SDK1: variants seen among roughly 807,000 people sequenced by gnomAD.
SDK1 encodes the protein protein sidekick-1.
A neutral mutation model predicts 245.5 loss-of-function variants in SDK1; 157 were observed. The ratio of observed to expected loss-of-function variants is 0.64; its 90% CI spans 0.56 to 0.73. SDK1 has a LOEUF of 0.73. Ranked by LOEUF, SDK1 falls within the 30% of genes least tolerant of loss-of-function variation. The pLI, the probability that SDK1 is intolerant of heterozygous loss-of-function variation, is 0.00. For synonymous variants in SDK1, 1,647 were observed against 1,278.5 expected (o/e 1.29, Z -6.15); for missense variants, 3,583 against 3,002.3 (o/e 1.19, Z -4.52).
At chr7:3,633,726 G>A (rs1430213678) in intron 2 of SDK1, among the ~76,000 whole-genome samples, 2 of 152,112 alleles carry the variant, frequency 1.3e-5, no homozygotes, top group Admixed American at 6.5e-5. Context: ...TATGTTCTAG[G>A]GTGTGGAATT....
At chr7:3,716,755 T>A in intron 4 of SDK1, among the ~76,000 whole-genome samples, 2 of 144,464 alleles carry the variant, frequency 1.4e-5, no homozygotes. Flanking sequence ...TGAGACCCTG[T>A]CTCACCAAAA....
At chr7:3,857,686 C>G (rs116437505) in intron 5 of SDK1, among the ~76,000 whole-genome samples, 2,663 of 138,662 alleles carry the variant, frequency 0.019, 79 homozygotes, top group African/African-American at 0.064. Context: ...GACCCTGTCT[C>G]AAAAAAAAAA....
rs537020681 is a variant in SDK1, at chr7:3,353,190, A to G, written c.298+51306A>G. 2.4e-4 allele frequency among the ~76,000 whole-genome samples: 37 copies of G among 152,254 alleles called. 1 individual carries two copies. Among genetic ancestry groups the G allele is most frequent in the African/African-American group, 7.5e-4 (31 of 41,540 alleles). ...ATAGGTAAGTGGTGTAAGTAATGGCATGGAAAGATCCAAGAACCATTAAGT... is the reference window on the plus strand; with the variant it reads ...ATAGGTAAGTGGTGTAAGTAATGGCGTGGAAAGATCCAAGAACCATTAAGT... On this transcript the variant is annotated intron_variant, in intron 1 of 44. Coordinates refer to ENST00000404826, the MANE Select transcript of SDK1 (RefSeq NM_152744.4).
intron 32 of SDK1, among the ~76,000 whole-genome samples, chr7:4,165,684 T>G (rs1170299113): frequency 1.3e-5 from 2 of 152,138 alleles, no homozygotes; most frequent in Non-Finnish European, 2.9e-5. Context: ...GAGACAGGAT[T>G]TCATCATGTT....
intron 5 of SDK1, among the ~76,000 whole-genome samples, chr7:3,824,082 G>A (rs1779711941): frequency 6.6e-6 from 1 of 151,936 alleles, no homozygotes; most frequent in African/African-American, 2.4e-5. Context: ...TCCAGTGAGG[G>A]CTCTAAGCAA....
intron 1 of SDK1, among the ~76,000 whole-genome samples, chr7:3,550,588 A>G (rs1779370550): frequency 6.6e-6 from 1 of 152,142 alleles, no homozygotes; most frequent in African/African-American, 2.4e-5. Context: ...GTTCCTCTCC[A>G]TCCTTAATGC....
chr7:4,254,403 C>G (rs1562484910), intron 44 of SDK1, among the ~76,000 whole-genome samples: 4 of 152,052 alleles, frequency 2.6e-5, no homozygotes, highest in Admixed American at 6.6e-5. Flanking sequence ...TACTATTGAG[C>G]CTATCTAATG....
At position 3,522,155 on chromosome 7, in the gene SDK1, C is replaced by CT. The variant is rs111709117; in HGVS notation, c.299-96915dup. ...TCTTTGGTTTTATTGTATACAATAA[C>CT]TTTTTTTTTTGAGGCCCTGGTGTTA... On this transcript the variant is annotated intron_variant, in intron 1 of 44. Coordinates refer to ENST00000404826, the MANE Select transcript of SDK1 (RefSeq NM_152744.4). Among the ~76,000 whole-genome samples, 120 of 149,788 alleles carry CT rather than the reference C, an allele frequency of 8.0e-4. 5 individuals carry two copies. Among genetic ancestry groups the CT allele is most frequent in the South Asian group, 1.9e-3 (9 of 4,716 alleles).
At position 3,721,482 on chromosome 7, in the gene SDK1, C is replaced by G. The variant is rs376039836; in HGVS notation, c.713+79377C>G. 3.4e-4 allele frequency among the ~76,000 whole-genome samples: 52 copies of G among 152,284 alleles called. 1 individual carries two copies. Among genetic ancestry groups the G allele is most frequent in the Middle Eastern group, 6.8e-3 (2 of 294 alleles). ...AAAGACAATATGAATGAGAGAACAT[C>G]AAATAATAAGGCTTTCACAGTACAG... On this transcript the variant is annotated intron_variant, in intron 4 of 44. Coordinates refer to ENST00000404826, the MANE Select transcript of SDK1 (RefSeq NM_152744.4).
chr7:3,416,895 G>A (rs117650844), intron 1 of SDK1, among the ~76,000 whole-genome samples: 2,179 of 152,208 alleles, frequency 0.014, 29 homozygotes, highest in South Asian at 0.033. Flanking sequence ...CCATGCAGCC[G>A]GGCACGGTGG....
chr7:4,125,764 T>C lies in SDK1; in HGVS notation c.3824-1617T>C, dbSNP rs191118693. ...ACTGGTCATAGCATCCTCCTTTCAC[T>C]TTCTTCAAAACAACTAGCTATTGAT... On this transcript the variant is annotated intron_variant, in intron 25 of 44. Transcript: ENST00000404826. Among the ~76,000 whole-genome samples the C allele has an allele frequency of 9.8e-4, 150 of 152,326 alleles. 1 individual carries two copies. The highest frequency in any genetic ancestry group is 1.9e-3 in the Non-Finnish European group (129 of 68,030).
At chr7:4,038,641 T>C (rs1788383949) in intron 17 of SDK1, among the ~76,000 whole-genome samples, 1 of 152,246 alleles carries the variant, frequency 6.6e-6, no homozygotes, top group Non-Finnish European at 1.5e-5. Context: ...TGACAGTTTC[T>C]AATGCACCTT....
intron 1 of SDK1, among the ~76,000 whole-genome samples, chr7:3,360,370 A>C (rs536247037): frequency 1.2e-4 from 19 of 152,324 alleles, no homozygotes; most frequent in African/African-American, 4.3e-4. Flanking sequence ...GGTGCAAAGA[A>C]TGGGTATTTT....
At chr7:3,813,400 T>G (rs1205714704) in intron 4 of SDK1, among the ~76,000 whole-genome samples, 1 of 145,838 alleles carries the variant, frequency 6.9e-6, no homozygotes, top group African/African-American at 2.6e-5. Context: ...CTGAGAATGA[T>G]GATTTCCAAT....
chr7:3,850,859 G>C (rs371757043), intron 5 of SDK1, among the ~76,000 whole-genome samples: 8 of 151,104 alleles, frequency 5.3e-5, no homozygotes, highest in African/African-American at 1.9e-4. Flanking sequence ...GGCCTGTTGT[G>C]GGGTAGGGGG....
At chr7:3,373,482 C>G (rs907830890) in intron 1 of SDK1, among the ~76,000 whole-genome samples, 2 of 152,140 alleles carry the variant, frequency 1.3e-5, no homozygotes, top group Non-Finnish European at 2.9e-5. Flanking sequence ...AAAAGAAAAT[C>G]CCTTAGTAAA....
intron 1 of SDK1, among the ~76,000 whole-genome samples, chr7:3,569,203 A>G (rs1780026323): frequency 6.6e-6 from 1 of 152,210 alleles, no homozygotes; most frequent in Non-Finnish European, 1.5e-5. Context: ...TACTATATCC[A>G]GTAAGTTAGA....
At chr7:3,924,738 G>T (rs1779709302) in intron 5 of SDK1, among the ~76,000 whole-genome samples, 1 of 152,120 alleles carries the variant, frequency 6.6e-6, no homozygotes, top group African/African-American at 2.4e-5. Flanking sequence ...TTACCAAGTG[G>T]CATGAAAGAT....
intron 1 of SDK1, among the ~76,000 whole-genome samples, chr7:3,337,522 A>G (rs1780234282): frequency 6.6e-6 from 1 of 152,232 alleles, no homozygotes; most frequent in Non-Finnish European, 1.5e-5. Flanking sequence ...TGAAAGACAG[A>G]AAGCTGTAGA....
Sources: gnomAD v4.1 joint callset for allele counts (sites outside exome capture counted in the v4.1 genomes callset) on GRCh38, gnomAD v4.1.1 for gene constraint, MANE v1.5 for transcripts, NCBI Gene and HGNC (gene_info 2026-07-23, HGNC 2026-07-21) for gene names.